The following UBE2D4 variants were observed in gnomAD, a reference collection of about 807,000 sequenced individuals.
UBE2D4 encodes the protein ubiquitin-conjugating enzyme E2 D4.
UBE2D4 carries 17 observed loss-of-function variants against 23.0 expected under a neutral mutation model. That is an observed-to-expected ratio of 0.74 (90% confidence interval 0.51 to 1.11). The LOEUF (loss-of-function observed/expected upper bound fraction) is 1.11. Among genes scored for constraint, UBE2D4 ranks in the 50% least tolerant of loss-of-function variants. The pLI, the probability that UBE2D4 is intolerant of heterozygous loss-of-function variation, is 0.00. For missense variants in UBE2D4, 139 were observed against 181.8 expected, an observed-to-expected ratio of 0.76 and a Z score of 1.35; for synonymous variants, 61 against 69.4, an observed-to-expected ratio of 0.88 and a Z score of 0.60.
At chr7:43,934,645 T>G (rs972843382) in intron 1 of UBE2D4, among the ~76,000 whole-genome samples, 4 of 150,614 alleles carry the variant, frequency 2.7e-5, no homozygotes, top group Non-Finnish European at 5.9e-5. Context: ...AATTCTTTTT[T>G]TTTTTTCCCA....
At chr7:43,943,085 A>G (rs1205273366) in intron 4 of UBE2D4, 54 bp downstream of exon 4, 1 of 1,572,040 alleles carries the variant, frequency 6.4e-7, no homozygotes, top group Admixed American at 1.7e-5. Context: ...AGCATGTGAC[A>G]AGGGGCCCTT....
At chr7:43,945,210 C>A (rs183542364) in intron 4 of UBE2D4, among the ~76,000 whole-genome samples, 2 of 152,252 alleles carry the variant, frequency 1.3e-5, no homozygotes, top group East Asian at 3.9e-4. Context: ...GCAGGCTGGT[C>A]TCAAACTCCT....
Position 43,952,975 on chromosome 7 carries a change from G to C in UBE2D4, c.*280G>C. 2.4e-6 allele frequency: 1 copy of C among 410,440 alleles called. No homozygotes were observed. The highest frequency in any genetic ancestry group is 4.7e-6 in the Non-Finnish European group (1 of 214,100). The allele number at this position is 410,440 out of a possible 1,614,324, so 25.4% of individuals were successfully genotyped here. A position where few individuals can be genotyped will look rare whatever the true frequency, so the allele number is the denominator to read the frequency against. Reference sequence around the variant, plus strand: ...ATCTCTCTCTCTGCCGCCTCAGTTTGTCTGCTGGTCTCTTGGGGGGCCAGG... The same window carrying C: ...ATCTCTCTCTCTGCCGCCTCAGTTTCTCTGCTGGTCTCTTGGGGGGCCAGG... On this transcript the variant is annotated 3_prime_UTR_variant, in exon 7 of 7. Transcript: ENST00000222402.
chr7:43,950,232 C>A (rs2095998912), intron 5 of UBE2D4, among the ~76,000 whole-genome samples: 1 of 152,200 alleles, frequency 6.6e-6, no homozygotes. Flanking sequence ...GCTCTGAATT[C>A]TTGTTTCCTT....
chr7:43,949,793 A>C (rs1309582521), intron 5 of UBE2D4, among the ~76,000 whole-genome samples: 1 of 152,112 alleles, frequency 6.6e-6, no homozygotes, highest in African/African-American at 2.4e-5. Context: ...CACATCTTAG[A>C]GACGGTGCTG....
chr7:43,946,573 T>C (rs1473177867), intron 4 of UBE2D4, among the ~76,000 whole-genome samples: 2 of 152,198 alleles, frequency 1.3e-5, no homozygotes, highest in Admixed American at 1.3e-4. Flanking sequence ...ATCTTGCTTT[T>C]CCCATAGCAA....
chr7:43,934,514 A>G (rs2095954175), intron 1 of UBE2D4, among the ~76,000 whole-genome samples: 1 of 150,452 alleles, frequency 6.6e-6, no homozygotes, highest in South Asian at 2.1e-4. Flanking sequence ...GCTATGTTTA[A>G]GCCTAAAATA....
chr7:43,941,010 C>G (rs2132771131), intron 2 of UBE2D4: 1 of 152,258 alleles, frequency 6.6e-6, no homozygotes, highest in Admixed American at 6.5e-5. Context: ...TACTTTTGAA[C>G]ACCTCTAGGG....
intron 1 of UBE2D4, among the ~76,000 whole-genome samples, chr7:43,934,574 C>T (rs1457133966): frequency 1.3e-5 from 2 of 149,944 alleles, no homozygotes; most frequent in Admixed American, 6.7e-5. Context: ...GAAACAGAAT[C>T]TCACTCTGTC....
rs2096000049 is a variant in UBE2D4, at chr7:43,950,605, T to C, written c.311T>C (p.Leu104Ser). ...SPALTVSKVL[L>S]SICSLLCDPN... ...CCTTTTCTTTTCTTCCCAGTTCTCT[T>C]GTCCATCTGCTCGCTGCTCTGCGAC... is the stretch of plus-strand genomic sequence containing the variant. The change falls in exon 6 of 7, where the codon TTG (leucine) becomes TCG (serine). Residue 104 changes from leucine to serine, a missense_variant. Physicochemically the swap from Leu to Ser is moderately radical, Grantham distance 145. Transcript: ENST00000222402. 1 of 1,614,058 alleles carries C rather than the reference T, an allele frequency of 6.2e-7. No individual in the cohort carries two copies. Among genetic ancestry groups the C allele is most frequent in the African/African-American group, 1.3e-5 (1 of 74,918 alleles).
intron 5 of UBE2D4, among the ~76,000 whole-genome samples, chr7:43,950,253 A>G (rs1454194559): frequency 2.0e-5 from 3 of 152,208 alleles, no homozygotes; most frequent in South Asian, 4.1e-4. Context: ...AACAGTAAAC[A>G]GGACTCCTAG....
rs890826743 is a variant in UBE2D4 at position 43,953,292 on chromosome 7, C to T, written c.*597C>T. ...TGCAGTGCCACGTGGTGGCATTTCTCGCCTCACACCAAGAAGCAGCAAGTG... is the reference window on the plus strand; with the variant it reads ...TGCAGTGCCACGTGGTGGCATTTCTTGCCTCACACCAAGAAGCAGCAAGTG... On this transcript the variant is annotated 3_prime_UTR_variant, in exon 7 of 7. Transcript: ENST00000222402. 6.9e-6 allele frequency: 3 copies of T among 436,206 alleles called. No homozygotes were observed. The highest frequency in any genetic ancestry group is 7.0e-5 in the East Asian group (1 of 14,220). 27.0% of individuals were successfully genotyped at this position (436,206 alleles called of 1,614,324 possible). A position where few individuals can be genotyped will look rare whatever the true frequency, so the allele number is the denominator to read the frequency against.
intron 1 of UBE2D4, among the ~76,000 whole-genome samples, chr7:43,932,404 A>G (rs1159610881): frequency 6.6e-6 from 1 of 152,240 alleles, no homozygotes; most frequent in Non-Finnish European, 1.5e-5. Context: ...GGAGATTACA[A>G]TTTGACAAGA....
chr7:43,934,962 A>G (rs2095955315), intron 1 of UBE2D4, among the ~76,000 whole-genome samples: 1 of 152,070 alleles, frequency 6.6e-6, no homozygotes, highest in Non-Finnish European at 1.5e-5. Context: ...TACTCAACTC[A>G]GGGAAAAAAA....
At chr7:43,947,699 C>T (rs1363784304) in intron 4 of UBE2D4, among the ~76,000 whole-genome samples, 1 of 152,094 alleles carries the variant, frequency 6.6e-6, no homozygotes. Context: ...GGGTATGTAC[C>T]CAGTAATGGG....
At chr7:43,928,695 G>C (rs2095938852) in intron 1 of UBE2D4, among the ~76,000 whole-genome samples, 1 of 152,174 alleles carries the variant, frequency 6.6e-6, no homozygotes. Flanking sequence ...CATTGCAGAA[G>C]TGGAATTGAC....
chr7:43,929,172 C>T (rs1478141871), intron 1 of UBE2D4, among the ~76,000 whole-genome samples: 2 of 152,122 alleles, frequency 1.3e-5, no homozygotes, highest in African/African-American at 2.4e-5. Flanking sequence ...TGCCTGTAAT[C>T]ACAGCATTTT....
intron 4 of UBE2D4, chr7:43,943,388 C>G: frequency 2.8e-6 from 1 of 353,406 alleles, no homozygotes. Context: ...TGCTACTGCC[C>G]CAGGGACATT....
At chr7:43,948,294 A>G (rs568519813) in intron 4 of UBE2D4, among the ~76,000 whole-genome samples, 1 of 152,326 alleles carries the variant, frequency 6.6e-6, no homozygotes, top group African/African-American at 2.4e-5. Flanking sequence ...ATACATCAAC[A>G]AAACATCACT....
Sources: allele counts gnomAD v4.1 joint callset (sites outside exome capture counted in the v4.1 genomes callset), GRCh38; gene constraint gnomAD v4.1.1; transcripts MANE v1.5; gene names NCBI Gene and HGNC (gene_info 2026-07-23, HGNC 2026-07-21).